Variants in IL1R1 observed in about 807,000 individuals in gnomAD.
IL1R1 encodes the protein interleukin 1 receptor type 1.
IL1R1 carries 22 observed loss-of-function variants against 50.2 expected under a neutral mutation model. The observed-to-expected ratio is 0.44, with a 90% CI of 0.31 to 0.63. The LOEUF is 0.63. Among genes scored for constraint, IL1R1 ranks in the 20% least tolerant of loss-of-function variants. IL1R1 has a pLI of 0.07. For missense variants in IL1R1, 509 were observed against 676.2 expected, an observed-to-expected ratio of 0.75 and a Z score of 2.74; for synonymous variants, 251 against 236.7, an observed-to-expected ratio of 1.06 and a Z score of -0.55.
chr2:102,090,161 T>G (rs1488136698), intron 1 of IL1R1, among the ~76,000 whole-genome samples: 1 of 151,458 alleles, frequency 6.6e-6, no homozygotes, highest in South Asian at 2.1e-4. Flanking sequence ...TTTTTTTTTT[T>G]TTTTTGTAAT....
chr2:102,100,694 C>T (rs887523972), upstream of IL1R1, among the ~76,000 whole-genome samples: 1 of 152,096 alleles, frequency 6.6e-6, no homozygotes, highest in Non-Finnish European at 1.5e-5. Flanking sequence ...AAAGACTATC[C>T]CTGTAATCAT....
chr2:102,112,084 G>A (rs1680797372), intron 1 of IL1R1, among the ~76,000 whole-genome samples: 1 of 151,980 alleles, frequency 6.6e-6, no homozygotes, highest in Non-Finnish European at 1.5e-5. Flanking sequence ...GTTCCATGAT[G>A]ATGAGGCTGC....
chr2:102,087,935 ACTC>A (rs1479572414), intron 1 of IL1R1, among the ~76,000 whole-genome samples: 2 of 152,140 alleles, frequency 1.3e-5, no homozygotes, highest in Non-Finnish European at 2.9e-5. Context: ...ATAAGAAACA[ACTC>A]CTCATTCATC....
At chr2:102,072,239 G>A (rs1263998723) in intron 1 of IL1R1, among the ~76,000 whole-genome samples, 6 of 146,300 alleles carry the variant, frequency 4.1e-5, no homozygotes, top group African/African-American at 7.7e-5. Flanking sequence ...CAGCCTGGGT[G>A]ACAGAGCAAG....
chr2:102,140,567 T>C (rs1327892346), upstream of IL1R1, among the ~76,000 whole-genome samples: 1 of 152,228 alleles, frequency 6.6e-6, no homozygotes, highest in Non-Finnish European at 1.5e-5. Context: ...GCATACAATG[T>C]CAGTGTAAGC....
At chr2:102,144,832 C>T (rs1682980495) in intron 1 of IL1R1, among the ~76,000 whole-genome samples, 2 of 152,134 alleles carry the variant, frequency 1.3e-5, no homozygotes, top group Non-Finnish European at 2.9e-5. Flanking sequence ...CTGTGGTTCC[C>T]TAGAGAATCG....
chr2:102,179,081 T>G lies in IL1R1; in HGVS notation c.*2322T>G, dbSNP rs958967216. The G allele has an allele frequency of 1.3e-5, 2 of 152,344 alleles. No homozygotes were observed. Among genetic ancestry groups the G allele is most frequent in the African/African-American group, 2.4e-5 (1 of 41,448 alleles). 9.4% of individuals were successfully genotyped at this position (152,344 alleles called of 1,614,324 possible). On this transcript the variant is annotated 3_prime_UTR_variant, in exon 12 of 12. Transcript: ENST00000410023. Reference sequence around the variant, plus strand: ...CCAACAGACAGGGCCTAGCTTTCATTTGACACACAGACTACAGCCAGAAGC... The same window carrying G: ...CCAACAGACAGGGCCTAGCTTTCATGTGACACACAGACTACAGCCAGAAGC...
chr2:102,168,559 A>G (rs762247866), intron 6 of IL1R1, 39 bp from the exon 7 acceptor site: 16 of 1,528,724 alleles, frequency 1.0e-5, no homozygotes, highest in Admixed American at 8.4e-5. Context: ...ATTCTGATCT[A>G]TAAGAGACTG....
At chr2:102,122,314 T>C (rs185071647) in intron 1 of IL1R1, among the ~76,000 whole-genome samples, 61 of 152,290 alleles carry the variant, frequency 4.0e-4, no homozygotes, top group Non-Finnish European at 6.5e-4. Flanking sequence ...GTGTGAGACA[T>C]GGAGAGACTG....
At chr2:102,172,870 GT>G (rs2104627447) in intron 9 of IL1R1, 32 bp downstream of exon 9, 1 of 1,515,278 alleles carries the variant, frequency 6.6e-7, no homozygotes, top group East Asian at 2.3e-5. Context: ...ATGCAGTTTT[GT>G]TTTACTGTAG....
intron 1 of IL1R1, among the ~76,000 whole-genome samples, chr2:102,079,456 T>C (rs1057143910): frequency 1.6e-4 from 25 of 152,010 alleles, no homozygotes; most frequent in African/African-American, 4.1e-4. Flanking sequence ...ATATTAGCAA[T>C]GAAAAATTTG....
intron 1 of IL1R1, among the ~76,000 whole-genome samples, chr2:102,099,379 A>T (rs763506844): frequency 6.6e-6 from 1 of 152,192 alleles, no homozygotes; most frequent in Non-Finnish European, 1.5e-5. Context: ...TGGGGCAAAC[A>T]CTGTCTCTGC....
At chr2:102,104,186 A>G (rs1301667849), upstream of IL1R1, among the ~76,000 whole-genome samples, 1 of 152,034 alleles carries the variant, frequency 6.6e-6, no homozygotes, top group Non-Finnish European at 1.5e-5. Flanking sequence ...AGTGGTGGCC[A>G]CCATGAGAAG....
At chr2:102,077,192 T>C (rs940490236) in intron 1 of IL1R1, among the ~76,000 whole-genome samples, 5 of 152,146 alleles carry the variant, frequency 3.3e-5, no homozygotes, top group Admixed American at 3.3e-4. Context: ...CATCTCAGCC[T>C]CCTGAGTAGC....
intron 1 of IL1R1, among the ~76,000 whole-genome samples, chr2:102,152,828 G>A (rs1275911427): frequency 6.6e-6 from 1 of 152,128 alleles, no homozygotes; most frequent in Non-Finnish European, 1.5e-5. Context: ...GTGTTATGCT[G>A]TGTACTGCCT....
At position 102,168,400 on chromosome 2, in the gene IL1R1, C is replaced by T. The variant is rs3917297; in HGVS notation, c.656-198C>T. Among the ~76,000 whole-genome samples the T allele has an allele frequency of 3.9e-3, 587 of 152,304 alleles. 7 individuals carry two copies. The highest frequency in any genetic ancestry group is 0.014 in the African/African-American group (576 of 41,564). On this transcript the variant is annotated intron_variant, in intron 6 of 11. Coordinates refer to ENST00000410023, the MANE Select transcript of IL1R1 (RefSeq NM_000877.4). ...GAATTCGGAAGGTCTAGCTCTACCC[C>T]GGGATTCACAGTGTGCTGTGGCCTC...
At chr2:102,095,570 T>A (rs943446245) in intron 1 of IL1R1, among the ~76,000 whole-genome samples, 1 of 152,220 alleles carries the variant, frequency 6.6e-6, no homozygotes, top group African/African-American at 2.4e-5. Flanking sequence ...TAGAACATAA[T>A]TGGCATCTTT....
intron 1 of IL1R1, among the ~76,000 whole-genome samples, chr2:102,116,301 C>A (rs1276292746): frequency 2.0e-5 from 3 of 152,138 alleles, no homozygotes; most frequent in African/African-American, 7.2e-5. Context: ...TAACAGTGAA[C>A]CCTGGAGATG....
At chr2:102,116,479 G>A (rs1681078768) in intron 1 of IL1R1, among the ~76,000 whole-genome samples, 1 of 152,160 alleles carries the variant, frequency 6.6e-6, no homozygotes. Flanking sequence ...TGACTCTTCT[G>A]CAAATAGCAT....
Sources: gnomAD v4.1 joint callset for allele counts (sites outside exome capture counted in the v4.1 genomes callset) on GRCh38, gnomAD v4.1.1 for gene constraint, MANE v1.5 for transcripts, NCBI Gene and HGNC (gene_info 2026-07-23, HGNC 2026-07-21) for gene names.